MAST4: variants seen among roughly 807,000 people sequenced by gnomAD.
MAST4 encodes the protein microtubule associated serine/threonine kinase family member 4, also known as microtubule-associated serine/threonine-protein kinase 4.
A neutral mutation model predicts 162.7 loss-of-function variants in MAST4; 89 were observed. The observed-to-expected ratio is 0.55, with a 90% confidence interval of 0.46 to 0.65. The LOEUF is 0.65. Among genes scored for constraint, MAST4 ranks in the 30% least tolerant of loss-of-function variants. MAST4 has a pLI of 0.00. For missense variants in MAST4, 3,153 were observed against 3,374.0 expected (o/e 0.93, Z 1.62); for synonymous variants, 1,479 against 1,361.1 (o/e 1.09, Z -1.91).
intron 1 of MAST4, among the ~76,000 whole-genome samples, chr5:66,666,422 T>G (rs1295243751): frequency 4.6e-5 from 7 of 152,262 alleles, no homozygotes; most frequent in African/African-American, 1.7e-4. Context: ...ACTTGTAGTC[T>G]AATAAAAATT....
At chr5:66,940,557 G>C (rs549665575) in intron 4 of MAST4, among the ~76,000 whole-genome samples, 1 of 152,222 alleles carries the variant, frequency 6.6e-6, no homozygotes, top group Admixed American at 6.5e-5. Context: ...TCATCCATAA[G>C]AAGCAACTCT....
At position 67,107,578 on chromosome 5, in the gene MAST4, A is replaced by G. The variant is rs138950879; in HGVS notation, c.1357-2520A>G. On this transcript the variant is annotated intron_variant, in intron 10 of 28. Transcript: ENST00000403625. ...TTGCAGAGGGGCCTGCCCTTTTTAG[A>G]TAGAGCCAAATTGTGAAACTTGCCT... is the stretch of plus-strand genomic sequence containing the variant. 3.9e-5 allele frequency among the ~76,000 whole-genome samples: 6 copies of G among 152,306 alleles called. No homozygotes were observed. The East Asian group carries it at 1.2e-3, about 29-fold the overall frequency.
intron 4 of MAST4, among the ~76,000 whole-genome samples, chr5:66,949,200 A>T (rs563091542): frequency 2.0e-5 from 3 of 152,286 alleles, no homozygotes; most frequent in African/African-American, 7.2e-5. Flanking sequence ...CAGTAGTTGG[A>T]GTCAGAACTG....
intron 26 of MAST4, among the ~76,000 whole-genome samples, chr5:67,159,477 C>A (rs1333776170): frequency 6.6e-6 from 1 of 152,180 alleles, no homozygotes; most frequent in African/African-American, 2.4e-5. Context: ...CCTAACTCCC[C>A]CCAACTCCCC....
chr5:66,654,616 A>G (rs1194571808), intron 1 of MAST4, among the ~76,000 whole-genome samples: 2 of 152,210 alleles, frequency 1.3e-5, no homozygotes, highest in Non-Finnish European at 2.9e-5. Context: ...ATTATCAAAT[A>G]AAAATTAAGA....
At chr5:67,124,318 A>G in intron 14 of MAST4, among the ~76,000 whole-genome samples, 1 of 152,182 alleles carries the variant, frequency 6.6e-6, no homozygotes. Context: ...GTGGAGCCAT[A>G]TCAGTTCAGT....
intron 6 of MAST4, among the ~76,000 whole-genome samples, chr5:67,095,151 A>T (rs560705400): frequency 1.2e-4 from 18 of 152,322 alleles, no homozygotes; most frequent in African/African-American, 4.3e-4. Context: ...TGAAAATAAT[A>T]AGCAGAAAGT....
chr5:67,100,595 G>A lies in MAST4; in HGVS notation c.1070+3G>A, dbSNP rs145689488. 4 of 1,613,828 alleles carry A rather than the reference G, an allele frequency of 2.5e-6. No individual in the cohort carries two copies. The African/African-American group carries it at 5.3e-5, about 22-fold the overall frequency. ...CGCCCCCGTTCCCGAAGTCTGAGGT[G>A]TGTGGGCCTGGCTGAAAACCATTAC... On this transcript the variant is annotated splice_donor_region_variant and intron_variant, in intron 8 of 28. Transcript: ENST00000403625.
intron 3 of MAST4, among the ~76,000 whole-genome samples, chr5:66,848,366 A>G (rs1402829957): frequency 6.6e-6 from 1 of 152,194 alleles, no homozygotes; most frequent in Non-Finnish European, 1.5e-5. Context: ...CATTTGTCAT[A>G]AAATACTAAG....
intron 4 of MAST4, among the ~76,000 whole-genome samples, chr5:66,974,925 A>G (rs1460533823): frequency 6.6e-6 from 1 of 152,216 alleles, no homozygotes; most frequent in Non-Finnish European, 1.5e-5. Context: ...GATGTATGTC[A>G]TGGGCTGAAT....
At chr5:67,149,716 A>G in intron 24 of MAST4, 127 bp downstream of exon 24, 4 of 899,828 alleles carry the variant, frequency 4.4e-6, no homozygotes, top group South Asian at 1.6e-5. Flanking sequence ...GTCCCAGGAC[A>G]GCTCTTGAGA....
Position 67,164,035 on chromosome 5 carries a change from C to A in MAST4, c.4856C>A (p.Ala1619Glu), listed in dbSNP as rs746229240. ...GCCAGCGTGCGCGCCAGCGAGGGTG[C>A]GATGTCGGATGGCCGGGTGCCTGCG... is the stretch of plus-strand genomic sequence containing the variant. ...KQASVRASEG[A>E]MSDGRVPAEH... The change falls in exon 29 of 29, where the codon GCG (alanine) becomes GAG (glutamate). Residue 1619 changes from alanine to glutamate, a missense_variant. By Grantham distance (107) the Ala-to-Glu change is moderately radical (BLOSUM62 -1). Transcript: ENST00000403625. This position sits in a 1 kb window ranked among gnomAD's most constrained non-coding sequence, Gnocchi z 5.3. The A allele has an allele frequency of 3.2e-6, 5 of 1,582,470 alleles. No individual in the cohort carries two copies. Among genetic ancestry groups the A allele is most frequent in the Non-Finnish European group, 4.3e-6 (5 of 1,164,036 alleles).
chr5:67,151,125 C>G (rs1771756187), intron 24 of MAST4, among the ~76,000 whole-genome samples: 1 of 152,124 alleles, frequency 6.6e-6, no homozygotes, highest in Non-Finnish European at 1.5e-5. Flanking sequence ...TTTCACATGA[C>G]CAGTTAAGAT....
intron 1 of MAST4, among the ~76,000 whole-genome samples, chr5:66,644,747 G>GTTTTT (rs10638374): frequency 2.2e-5 from 3 of 137,766 alleles, no homozygotes; most frequent in Admixed American, 7.3e-5. Flanking sequence ...ATTTGAAGTA[G>GTTTTT]TTTTTTTTTT....
chr5:67,028,072 CAG>C (rs977395744), intron 4 of MAST4, among the ~76,000 whole-genome samples: 3 of 151,990 alleles, frequency 2.0e-5, no homozygotes, highest in South Asian at 4.1e-4. Context: ...AAAGAAGTAA[CAG>C]AATTTACAGT....
At chr5:66,693,249 A>C (rs1749167823) in intron 1 of MAST4, among the ~76,000 whole-genome samples, 1 of 152,148 alleles carries the variant, frequency 6.6e-6, no homozygotes, top group Non-Finnish European at 1.5e-5. Context: ...ATGAATTATA[A>C]ATGTTTTACA....
At chr5:66,624,146 G>GTTTTTTTTTTTTTTTTTTTTTTTTTTTT (rs200030700) in intron 1 of MAST4, among the ~76,000 whole-genome samples, 2 of 90,128 alleles carry the variant, frequency 2.2e-5, no homozygotes, top group Non-Finnish European at 4.0e-5. Context: ...TTGTTAAAAT[G>GTTTTTTTTTTTTTTTTTTTTTTTTTTTT]TTTTTTTTTT....
At chr5:67,021,884 A>G (rs1188216999) in intron 4 of MAST4, among the ~76,000 whole-genome samples, 1 of 152,172 alleles carries the variant, frequency 6.6e-6, no homozygotes, top group African/African-American at 2.4e-5. Flanking sequence ...TTCTTTGTTC[A>G]ATATTTTAAC....
At chr5:66,728,582 A>G (rs1403727047) in intron 1 of MAST4, among the ~76,000 whole-genome samples, 1 of 152,204 alleles carries the variant, frequency 6.6e-6, no homozygotes, top group East Asian at 1.9e-4. Context: ...ATTTATTTAA[A>G]TGATGGAAAT....
Sources: allele counts gnomAD v4.1 joint callset (sites outside exome capture counted in the v4.1 genomes callset), GRCh38; gene constraint gnomAD v4.1.1; non-coding constraint Gnocchi (gnomAD v3.1); transcripts MANE v1.5; gene names NCBI Gene and HGNC (gene_info 2026-07-23, HGNC 2026-07-21).